The following EFCAB5 variants were observed in gnomAD, a reference collection of about 807,000 sequenced individuals.
EFCAB5 encodes the protein EF-hand calcium binding domain 5.
A neutral mutation model predicts 167.9 loss-of-function variants in EFCAB5; 131 were observed. The observed-to-expected ratio is 0.78, with a 90% CI of 0.68 to 0.90. The LOEUF is 0.90. EFCAB5 is among the 40% of genes least tolerant of loss of function. EFCAB5 has a pLI of 0.00. For missense variants in EFCAB5, 1,663 were observed against 1,745.2 expected, an observed-to-expected ratio of 0.95 and a Z score of 0.84; for synonymous variants, 574 against 602.8, an observed-to-expected ratio of 0.95 and a Z score of 0.70.
At chr17:30,086,064 G>C (rs2071083423) in intron 18 of EFCAB5, among the ~76,000 whole-genome samples, 1 of 151,974 alleles carries the variant, frequency 6.6e-6, no homozygotes, top group African/African-American at 2.4e-5. Flanking sequence ...GACATGATCA[G>C]AGCTCACAGT....
intron 4 of EFCAB5, 42 bp downstream of exon 4, chr17:29,969,409 C>A: frequency 6.9e-7 from 1 of 1,444,486 alleles, no homozygotes; most frequent in Non-Finnish European, 9.3e-7. Context: ...TGTCTCCTTA[C>A]ATTGAAAAAC....
chr17:30,024,534 G>A (rs925647364), intron 7 of EFCAB5, among the ~76,000 whole-genome samples: 1 of 152,134 alleles, frequency 6.6e-6, no homozygotes, highest in African/African-American at 2.4e-5. Context: ...AAATAAAAGA[G>A]GATATAAACA....
chr17:30,032,133 C>T (rs566959389), intron 7 of EFCAB5, among the ~76,000 whole-genome samples: 27 of 152,250 alleles, frequency 1.8e-4, no homozygotes, highest in African/African-American at 6.3e-4. Context: ...TTTTTACAAA[C>T]CATGTTAAAT....
At chr17:30,096,396 C>T (rs1052275358) in intron 22 of EFCAB5, among the ~76,000 whole-genome samples, 4 of 151,830 alleles carry the variant, frequency 2.6e-5, no homozygotes, top group Admixed American at 1.3e-4. Flanking sequence ...CTTGATGAGA[C>T]GTGGAGCATG....
chr17:29,999,609 A>G (rs1032959416), intron 6 of EFCAB5, among the ~76,000 whole-genome samples: 7 of 152,126 alleles, frequency 4.6e-5, no homozygotes, highest in Admixed American at 3.9e-4. Context: ...ACCAACACAG[A>G]TGTTTTTGTA....
At chr17:29,980,206 C>T (rs759610153) in intron 4 of EFCAB5, among the ~76,000 whole-genome samples, 28 of 152,202 alleles carry the variant, frequency 1.8e-4, no homozygotes, top group Admixed American at 3.9e-4. Flanking sequence ...TACTGAGGAA[C>T]CTTTACTCAG....
chr17:30,080,505 CT>C (rs2070963890), intron 16 of EFCAB5, among the ~76,000 whole-genome samples: 1 of 151,914 alleles, frequency 6.6e-6, no homozygotes, highest in South Asian at 2.1e-4. Context: ...AGTTATGTCT[CT>C]GGAGTTCTGT....
chr17:29,948,465 A>G (rs2067447515), intron 3 of EFCAB5, among the ~76,000 whole-genome samples: 1 of 152,148 alleles, frequency 6.6e-6, no homozygotes, highest in Non-Finnish European at 1.5e-5. Context: ...CGGTGTACTT[A>G]TTTATTAAAT....
In EFCAB5 at chr17:29,969,132, C is replaced by A; in HGVS notation, c.532C>A (p.Leu178Ile). ...TAATACTGCATATTTGCTTGACAAACTTCTACCCACCTTAGTTCCTGGAGT... is the reference window on the plus strand; with the variant it reads ...TAATACTGCATATTTGCTTGACAAAATTCTACCCACCTTAGTTCCTGGAGT... ...LNNTAYLLDK[L>I]LPTLVPGVEN... is the part of the protein sequence containing the mutation. Residue 178 changes from leucine (L) to isoleucine (I), a missense_variant, in exon 4 of 23, where the codon CTT becomes ATT. Physicochemically the swap from Leu to Ile is conservative, Grantham distance 5. Transcript: ENST00000394835. 1 of 1,613,856 alleles carries A rather than the reference C, an allele frequency of 6.2e-7. No individual in the cohort carries two copies. The highest frequency in any genetic ancestry group is 2.2e-5 in the East Asian group (1 of 44,866).
chr17:30,086,709 A>G (rs752493114), intron 18 of EFCAB5, among the ~76,000 whole-genome samples: 53 of 152,212 alleles, frequency 3.5e-4, no homozygotes, highest in Non-Finnish European at 6.8e-4. Context: ...CCTGGTCAAC[A>G]TGGTGAAACT....
rs539940513 is a variant in EFCAB5, at chr17:30,018,404, T to C, written c.1045-15826T>C. On this transcript the variant is annotated intron_variant, in intron 7 of 22. Transcript: ENST00000394835. ...AAGAGTTTAAGTAGAATTGTCTTGGTATAGAGCATTTTGTTTTAAAAATGT... is the reference window on the plus strand; with the variant it reads ...AAGAGTTTAAGTAGAATTGTCTTGGCATAGAGCATTTTGTTTTAAAAATGT... Among the ~76,000 whole-genome samples, 5 of 152,232 alleles carry C rather than the reference T, an allele frequency of 3.3e-5. No individual in the cohort carries two copies. The South Asian group carries it at 1.0e-3, about 32-fold the overall frequency.
In EFCAB5 at chr17:30,044,235, A is replaced by T. The variant is rs759374095; in HGVS notation, c.1201-6883A>T. ...ATAAATAATCATCAATTTTTCATGCAAACTGAAGCCACAGTGAGATAAAAA... is the reference window on the plus strand; with the variant it reads ...ATAAATAATCATCAATTTTTCATGCTAACTGAAGCCACAGTGAGATAAAAA... On this transcript the variant is annotated intron_variant, in intron 8 of 22. Transcript: ENST00000394835. Among the ~76,000 whole-genome samples, 145 of 152,294 alleles carry T rather than the reference A, an allele frequency of 9.5e-4. 1 individual carries two copies. The highest frequency in any genetic ancestry group is 1.8e-3 in the Non-Finnish European group (121 of 68,024).
At chr17:30,079,098 A>G (rs2070929249) in intron 15 of EFCAB5, among the ~76,000 whole-genome samples, 1 of 152,348 alleles carries the variant, frequency 6.6e-6, no homozygotes, top group East Asian at 1.9e-4. Flanking sequence ...GCCGCCTTCT[A>G]CATGTATCAT....
intron 7 of EFCAB5, among the ~76,000 whole-genome samples, chr17:30,016,776 TAATTTTATGGAATGCTACTA>T (rs888945924): frequency 3.9e-5 from 6 of 152,236 alleles, no homozygotes; most frequent in Admixed American, 3.3e-4. Context: ...ATCTTATATC[TAATTTTATGGAATGCTACTA>T]AATGTGTACT....
At chr17:30,078,544 T>G in intron 15 of EFCAB5, 40 bp downstream of exon 15, 1 of 1,502,448 alleles carries the variant, frequency 6.7e-7, no homozygotes, top group Admixed American at 2.5e-5. Flanking sequence ...AAACATTTCC[T>G]CAAAGTAGGC....
In EFCAB5 at chr17:30,078,295, G is replaced by T; in HGVS notation, c.2818G>T (p.Glu940Ter). 1 of 1,613,964 alleles carries T rather than the reference G, an allele frequency of 6.2e-7. No homozygotes were observed. Among genetic ancestry groups the T allele is most frequent in the South Asian group, 1.1e-5 (1 of 91,078 alleles). Residue 940 changes from glutamate (E) to a stop codon, truncating the protein, a stop_gained, in exon 15 of 23, where the codon GAA (glutamate) becomes TAA (stop). Transcript: ENST00000394835. LOFTEE classifies it high-confidence loss of function. ...TTCAAAACAATTTCAGAATTACATA[G>T]AATTGGTTGTGTCTGAACTCAGGGG... is the stretch of plus-strand genomic sequence containing the variant. ...LSSKQFQNYI[E>*]LVVSELRGNE...
At chr17:30,098,310 A>G (rs1356807725) in intron 22 of EFCAB5, among the ~76,000 whole-genome samples, 1 of 151,226 alleles carries the variant, frequency 6.6e-6, no homozygotes, top group Admixed American at 6.6e-5. Flanking sequence ...TGATCGCTTG[A>G]GCCCAGGAGT....
chr17:30,056,112 A>AT lies in EFCAB5; in HGVS notation c.2322dup (p.Glu775Ter). ...AAAATGAAGTATGTCACATTTGAAG[A>AT]TGAGGAACAGGCAAACTTAATCTAT... On this transcript the variant is annotated frameshift_variant, in exon 12 of 23. Transcript: ENST00000394835. LOFTEE classifies it high-confidence loss of function. 1 of 1,612,362 alleles carries AT rather than the reference A, an allele frequency of 6.2e-7. No individual in the cohort carries two copies. Among genetic ancestry groups the AT allele is most frequent in the East Asian group, 2.2e-5 (1 of 44,816 alleles).
chr17:30,014,897 T>C (rs1474273338), intron 7 of EFCAB5, among the ~76,000 whole-genome samples: 1 of 152,212 alleles, frequency 6.6e-6, no homozygotes, highest in Admixed American at 6.5e-5. Flanking sequence ...CTAGCCTCGA[T>C]GGTCTTTACA....
Sources: gnomAD v4.1 joint callset for allele counts (sites outside exome capture counted in the v4.1 genomes callset) on GRCh38, gnomAD v4.1.1 for gene constraint, MANE v1.5 for transcripts, NCBI Gene and HGNC (gene_info 2026-07-23, HGNC 2026-07-21) for gene names.